The following KHDRBS3 variants were observed in gnomAD, a reference collection of about 807,000 sequenced individuals.
KHDRBS3 encodes KH RNA binding domain containing, signal transduction associated 3.
A neutral mutation model predicts 45.6 loss-of-function variants in KHDRBS3; 23 were observed. The observed-to-expected ratio is 0.50, with a 90% CI of 0.36 to 0.72. KHDRBS3 has a LOEUF of 0.72. Among genes scored for constraint, KHDRBS3 ranks in the 30% least tolerant of loss-of-function variants. The pLI, the probability that KHDRBS3 is intolerant of heterozygous loss-of-function variation, is 0.00. For synonymous variants in KHDRBS3, 162 were observed against 156.5 expected (o/e 1.04, Z -0.26); for missense variants, 352 against 424.8 (o/e 0.83, Z 1.51).
Position 135,637,572 on chromosome 8 carries a change from G to A in KHDRBS3, c.891-7487G>A, listed in dbSNP as rs545270573. Among the ~76,000 whole-genome samples, 171 of 152,296 alleles carry A rather than the reference G, an allele frequency of 1.1e-3. 7 individuals are homozygous for A. The South Asian group carries it at 0.034, about 30-fold the overall frequency. On this transcript the variant is annotated intron_variant, in intron 7 of 8. Coordinates refer to ENST00000355849, the MANE Select transcript of KHDRBS3 (RefSeq NM_006558.3). ...TTTAAATAGTACAGAACTTAGTAAT[G>A]TGACTTCTAAAGGAATTTACTACCC...
chr8:135,598,798 ATTATAAGAC>A (rs1290602125), intron 6 of KHDRBS3, among the ~76,000 whole-genome samples: 20 of 152,328 alleles, frequency 1.3e-4, no homozygotes, highest in Middle Eastern at 6.8e-3. Flanking sequence ...TTAAACTCAA[ATTATAAGAC>A]TAAGCTTTTA....
intron 1 of KHDRBS3, among the ~76,000 whole-genome samples, chr8:135,464,834 T>C (rs891660718): frequency 2.5e-4 from 38 of 152,212 alleles, no homozygotes; most frequent in African/African-American, 7.2e-4. Flanking sequence ...AGCTAGTAAC[T>C]GGTGAATCAG....
intron 1 of KHDRBS3, among the ~76,000 whole-genome samples, chr8:135,466,638 G>A (rs1821711786): frequency 6.6e-6 from 1 of 152,178 alleles, no homozygotes; most frequent in Non-Finnish European, 1.5e-5. Flanking sequence ...AGATTTGTCA[G>A]TTGGTGTGCA....
At chr8:135,524,612 T>A (rs752718394) in intron 2 of KHDRBS3, among the ~76,000 whole-genome samples, 2 of 152,144 alleles carry the variant, frequency 1.3e-5, no homozygotes, top group Non-Finnish European at 2.9e-5. Context: ...ATTCTTTTTC[T>A]GATCGTTTCT....
At chr8:135,460,671 T>C (rs1821383865) in intron 1 of KHDRBS3, among the ~76,000 whole-genome samples, 1 of 152,230 alleles carries the variant, frequency 6.6e-6, no homozygotes, top group East Asian at 1.9e-4. Flanking sequence ...AGGAAGTTTA[T>C]CCTGATTTTT....
chr8:135,540,071 A>C (rs2130762270), intron 2 of KHDRBS3: 1 of 152,344 alleles, frequency 6.6e-6, no homozygotes, highest in Admixed American at 6.5e-5. Flanking sequence ...ATGCAAGATA[A>C]ATATGACTAT....
intron 7 of KHDRBS3, among the ~76,000 whole-genome samples, chr8:135,620,154 C>A (rs574739957): frequency 6.6e-6 from 1 of 151,776 alleles, no homozygotes; most frequent in Non-Finnish European, 1.5e-5. Context: ...CTCACTGCAA[C>A]CTCCGCCTCC....
intron 3 of KHDRBS3, among the ~76,000 whole-genome samples, chr8:135,544,768 A>G (rs1013963787): frequency 6.6e-6 from 1 of 152,042 alleles, no homozygotes; most frequent in Non-Finnish European, 1.5e-5. Flanking sequence ...TTTCATTTCT[A>G]TGTCTTTGGA....
chr8:135,575,263 C>A (rs1291184578), intron 5 of KHDRBS3, among the ~76,000 whole-genome samples: 1 of 152,168 alleles, frequency 6.6e-6, no homozygotes, highest in South Asian at 2.1e-4. Flanking sequence ...AGTGGCTTAA[C>A]CCAGTAGAAA....
intron 5 of KHDRBS3, among the ~76,000 whole-genome samples, chr8:135,573,958 G>A (rs529545583): frequency 1.2e-4 from 19 of 152,070 alleles, no homozygotes; most frequent in Non-Finnish European, 1.6e-4. Context: ...TCAGTTTGTG[G>A]TACCCTATTC....
At chr8:135,645,030 G>T in intron 7 of KHDRBS3, 29 bp from the exon 8 acceptor site, 1 of 1,609,014 alleles carries the variant, frequency 6.2e-7, no homozygotes, top group Non-Finnish European at 8.5e-7. Context: ...AGATGATTTT[G>T]TCCTTTGTTT....
At chr8:135,644,657 G>T (rs768078064) in intron 7 of KHDRBS3, among the ~76,000 whole-genome samples, 8 of 152,174 alleles carry the variant, frequency 5.3e-5, no homozygotes, top group Non-Finnish European at 8.8e-5. Context: ...CACTCCCACA[G>T]TGCCTTGCAC....
intron 7 of KHDRBS3, among the ~76,000 whole-genome samples, chr8:135,633,079 G>A (rs1163314431): frequency 6.6e-6 from 1 of 152,070 alleles, no homozygotes; most frequent in Non-Finnish European, 1.5e-5. Context: ...CTGATCATGC[G>A]ACGTATTATT....
chr8:135,525,100 A>G (rs1352021899), intron 2 of KHDRBS3, among the ~76,000 whole-genome samples: 1 of 152,192 alleles, frequency 6.6e-6, no homozygotes, highest in Non-Finnish European at 1.5e-5. Flanking sequence ...TTTGGATCGT[A>G]TGCTGGCTAT....
At chr8:135,470,581 T>C (rs1278976835) in intron 1 of KHDRBS3, among the ~76,000 whole-genome samples, 3 of 151,828 alleles carry the variant, frequency 2.0e-5, no homozygotes, top group Non-Finnish European at 2.9e-5. Context: ...GCTGCTTTTT[T>C]TTTTTTTTCT....
At chr8:135,598,766 G>C (rs1244720366) in intron 6 of KHDRBS3, among the ~76,000 whole-genome samples, 3 of 152,116 alleles carry the variant, frequency 2.0e-5, no homozygotes, top group African/African-American at 7.2e-5. Context: ...TGAAAAGACT[G>C]TTTTCAGTTA....
intron 4 of KHDRBS3, chr8:135,549,421 G>A (rs947157754): frequency 2.0e-5 from 3 of 152,158 alleles, no homozygotes; most frequent in African/African-American, 7.2e-5. Context: ...CAGAGGGGAT[G>A]GGCTATTTAG....
intron 7 of KHDRBS3, among the ~76,000 whole-genome samples, chr8:135,607,448 A>C (rs9987399): frequency 0.086 from 13,031 of 152,204 alleles, 1,125 homozygotes; most frequent in East Asian, 0.34. Context: ...TTCAATTTCT[A>C]AGTAGCAGCC....
intron 1 of KHDRBS3, among the ~76,000 whole-genome samples, chr8:135,460,435 G>T (rs1028104643): frequency 3.4e-4 from 52 of 152,300 alleles, no homozygotes; most frequent in African/African-American, 1.2e-3. Flanking sequence ...CTCTTTTCAG[G>T]AAGGCAGCTG....
Sources: gnomAD v4.1 joint callset for allele counts (sites outside exome capture counted in the v4.1 genomes callset) on GRCh38, gnomAD v4.1.1 for gene constraint, MANE v1.5 for transcripts, NCBI Gene and HGNC (gene_info 2026-07-23, HGNC 2026-07-21) for gene names.